TAF1B: variants seen among roughly 807,000 people sequenced by gnomAD.
TAF1B encodes the protein TATA-box binding protein associated factor, RNA polymerase I subunit B.
In TAF1B, 61 loss-of-function variants were observed where a neutral mutation model predicts 83.9. The ratio of observed to expected loss-of-function variants is 0.73; its 90% CI spans 0.59 to 0.90. TAF1B has a LOEUF of 0.90. TAF1B is among the 40% of genes least tolerant of loss of function. The pLI, the probability that TAF1B is intolerant of heterozygous loss-of-function variation, is 0.00. For synonymous variants in TAF1B, 221 were observed against 224.6 expected (o/e 0.98, Z 0.14); for missense variants, 625 against 677.0 (o/e 0.92, Z 0.85).
chr2:9,883,452 A>C (rs186543079), intron 8 of TAF1B, among the ~76,000 whole-genome samples: 1 of 152,278 alleles, frequency 6.6e-6, no homozygotes, highest in Admixed American at 6.5e-5. Flanking sequence ...GCGGTGTAAG[A>C]GTCATTTGTT....
chr2:9,885,142 G>A (rs183211850), intron 8 of TAF1B, among the ~76,000 whole-genome samples: 107 of 152,286 alleles, frequency 7.0e-4, no homozygotes, highest in Non-Finnish European at 7.3e-5. Flanking sequence ...TAGGCAAACA[G>A]GCTAAAAGAT....
intron 9 of TAF1B, among the ~76,000 whole-genome samples, chr2:9,908,650 C>T (rs36009173): frequency 0.51 from 78,153 of 152,036 alleles, 23,096 homozygotes; most frequent in Non-Finnish European, 0.68. Context: ...GAGCTTAATT[C>T]TCTATCTCCT....
chr2:9,861,634 G>A (rs993786566), intron 5 of TAF1B, among the ~76,000 whole-genome samples: 7 of 152,194 alleles, frequency 4.6e-5, no homozygotes, highest in African/African-American at 9.6e-5. Flanking sequence ...ATCTGAGAAC[G>A]GGCAGACTGC....
chr2:9,862,153 G>A (rs2125142092), intron 5 of TAF1B, among the ~76,000 whole-genome samples: 1 of 152,096 alleles, frequency 6.6e-6, no homozygotes, highest in Middle Eastern at 3.2e-3. Flanking sequence ...CCGAGCTAAA[G>A]GAGGAAGTTC....
chr2:9,866,917 C>T (rs1331054061), intron 5 of TAF1B, among the ~76,000 whole-genome samples: 2 of 151,920 alleles, frequency 1.3e-5, no homozygotes, highest in Non-Finnish European at 2.9e-5. Context: ...AGGGGAACAT[C>T]CCATACCGGG....
intron 8 of TAF1B, among the ~76,000 whole-genome samples, chr2:9,887,416 G>C (rs1042603695): frequency 1.1e-4 from 17 of 152,080 alleles, no homozygotes; most frequent in Non-Finnish European, 1.6e-4. Flanking sequence ...TCTGTTACTG[G>C]AGCTCTATTA....
chr2:9,876,313 A>T (rs1664320010), intron 7 of TAF1B, among the ~76,000 whole-genome samples: 1 of 152,208 alleles, frequency 6.6e-6, no homozygotes, highest in Admixed American at 6.5e-5. Flanking sequence ...TACCTGAGTA[A>T]TATTAGTAAA....
At chr2:9,863,898 A>G (rs1663868871) in intron 5 of TAF1B, among the ~76,000 whole-genome samples, 1 of 152,212 alleles carries the variant, frequency 6.6e-6, no homozygotes, top group Admixed American at 6.5e-5. Context: ...TTTGAAACCA[A>G]CGAGAACAAA....
intron 7 of TAF1B, among the ~76,000 whole-genome samples, chr2:9,882,220 C>A (rs780661153): frequency 6.6e-6 from 1 of 152,102 alleles, no homozygotes; most frequent in African/African-American, 2.4e-5. Flanking sequence ...TCTGCCTTAG[C>A]CTCCCGAGTA....
intron 6 of TAF1B, 64 bp from the exon 7 acceptor site, chr2:9,875,801 C>T (rs1664304365): frequency 6.8e-7 from 1 of 1,478,388 alleles, no homozygotes; most frequent in Non-Finnish European, 9.1e-7. Flanking sequence ...AGATTTTTTG[C>T]TGTTTTTCTT....
At position 9,854,384 on chromosome 2, in the gene TAF1B, G is replaced by C. The variant is rs1663492580; in HGVS notation, c.362G>C (p.Cys121Ser). Residue 121 changes from cysteine (C) to serine (S), a missense_variant, in exon 5 of 15, where the codon TGT becomes TCT. Cys to Ser is a moderately radical substitution (Grantham distance 112, BLOSUM62 -1). Coordinates refer to ENST00000263663, the MANE Select transcript of TAF1B (RefSeq NM_005680.3). ...RYLQKSKQAY[C>S]KNPVYTTGRK... ...CTTCAGAAGAGCAAGCAGGCATATT[G>C]TAAGAACCCAGTTTATACCACTGGA... The C allele has an allele frequency of 3.7e-6, 6 of 1,613,940 alleles. No individual in the cohort carries two copies. The Admixed American group carries it at 6.7e-5, about 18-fold the overall frequency.
intron 4 of TAF1B, among the ~76,000 whole-genome samples, chr2:9,852,739 A>G (rs1663437359): frequency 6.6e-6 from 1 of 152,168 alleles, no homozygotes; most frequent in Non-Finnish European, 1.5e-5. Flanking sequence ...CAATCTGCCC[A>G]TCTCGGCCTC....
intron 1 of TAF1B, 122 bp from the exon 2 acceptor site, chr2:9,845,096 TTA>T: frequency 1.7e-6 from 1 of 581,910 alleles, no homozygotes; most frequent in Non-Finnish European, 2.9e-6. Context: ...GACATATTTT[TTA>T]TTGTCTATGA....
chr2:9,895,963 A>G (rs772855854), intron 8 of TAF1B, among the ~76,000 whole-genome samples: 6 of 152,176 alleles, frequency 3.9e-5, no homozygotes, highest in Non-Finnish European at 8.8e-5. Context: ...TCACGAAGGA[A>G]AGTAAACTCG....
At chr2:9,917,031 A>G (rs972852032) in intron 12 of TAF1B, among the ~76,000 whole-genome samples, 4 of 152,014 alleles carry the variant, frequency 2.6e-5, no homozygotes, top group Non-Finnish European at 5.9e-5. Context: ...TTTACTAAAG[A>G]GACGGGGTTT....
At chr2:9,927,718 G>GT (rs1249607276) in intron 14 of TAF1B, among the ~76,000 whole-genome samples, 1 of 151,908 alleles carries the variant, frequency 6.6e-6, no homozygotes. Context: ...TGATGGGGTT[G>GT]TTTTTTTCTT....
At chr2:9,920,343 C>T (rs895861991) in intron 14 of TAF1B, among the ~76,000 whole-genome samples, 8 of 152,278 alleles carry the variant, frequency 5.3e-5, no homozygotes, top group African/African-American at 1.9e-4. Flanking sequence ...GTAGGTATGG[C>T]ATTGATTGAT....
At chr2:9,906,900 T>G (rs1330715933) in intron 9 of TAF1B, among the ~76,000 whole-genome samples, 1 of 152,168 alleles carries the variant, frequency 6.6e-6, no homozygotes, top group South Asian at 2.1e-4. Flanking sequence ...TTTTTGAAGA[T>G]AAGATCTTGC....
chr2:9,920,531 T>C lies in TAF1B; in HGVS notation c.1565+711T>C, dbSNP rs76727216. On this transcript the variant is annotated intron_variant, in intron 14 of 14. Transcript: ENST00000263663. ...ATCCCTGGCCAAAACAAGTGCCGTG[T>C]CCTCCTCAGGGTATCATTTCTCAGG... Among the ~76,000 whole-genome samples the C allele has an allele frequency of 8.1e-4, 113 of 139,098 alleles. No individual in the cohort carries two copies. The East Asian group carries it at 0.025, about 31-fold the overall frequency. 91.3% of individuals were successfully genotyped at this position (139,098 alleles called of 152,430 possible).
Sources: allele counts gnomAD v4.1 joint callset (sites outside exome capture counted in the v4.1 genomes callset), GRCh38; gene constraint gnomAD v4.1.1; transcripts MANE v1.5; gene names NCBI Gene and HGNC (gene_info 2026-07-23, HGNC 2026-07-21).